NR3C1: variants seen among roughly 807,000 people sequenced by gnomAD.
NR3C1 encodes nuclear receptor subfamily 3 group C member 1.
Under a neutral mutation model 74.0 loss-of-function variants are expected in NR3C1, and 14 were observed. That is an observed-to-expected ratio of 0.19 (90% CI 0.12 to 0.30). The LOEUF (loss-of-function observed/expected upper bound fraction) is 0.30, where lower values mean the gene tolerates loss of function less well. Ranked by LOEUF, NR3C1 falls within the 10% of genes least tolerant of loss-of-function variation. NR3C1 has a pLI of 1.00. For missense variants in NR3C1, 695 were observed against 909.8 expected (o/e 0.76, Z 3.04); for synonymous variants, 308 against 332.5 (o/e 0.93, Z 0.80).
chr5:143,300,531 T>C lies in NR3C1; in HGVS notation c.1701A>G (p.Gly567=), dbSNP rs746241886. ...WRIMTTLNML[G]GRQVIAAVKW... is the part of the protein sequence containing the mutation. ...TCACTGCTGCAATCACTTGCCGCCCTCCTAACATGTTGAGCGTAGTCATGA... is the reference window on the plus strand; with the variant it reads ...TCACTGCTGCAATCACTTGCCGCCCCCCTAACATGTTGAGCGTAGTCATGA... Residue 567 remains glycine, a synonymous_variant, in exon 5 of 9, where the codon GGA becomes GGG. Transcript: ENST00000394464. This position sits in a 1 kb window ranked among gnomAD's most constrained non-coding sequence, Gnocchi z 5.2. 6.2e-7 allele frequency: 1 copy of C among 1,614,208 alleles called. No homozygotes were observed.
At chr5:143,362,360 GTT>G (rs1234339107) in intron 2 of NR3C1, among the ~76,000 whole-genome samples, 34 of 138,760 alleles carry the variant, frequency 2.5e-4, no homozygotes, top group African/African-American at 5.5e-4. Flanking sequence ...ATGAAGACTT[GTT>G]TTTTTTTTTT....
At chr5:143,367,931 A>C (rs1833544610) in intron 2 of NR3C1, among the ~76,000 whole-genome samples, 1 of 152,194 alleles carries the variant, frequency 6.6e-6, no homozygotes, top group African/African-American at 2.4e-5. Context: ...ACGAACACGG[A>C]ATATAGGCAA....
At chr5:143,414,674 C>A (rs757123764) in intron 1 of NR3C1, among the ~76,000 whole-genome samples, 1 of 152,018 alleles carries the variant, frequency 6.6e-6, no homozygotes, top group Non-Finnish European at 1.5e-5. Context: ...TATGAGATAT[C>A]TTTATCTGTC....
intron 1 of NR3C1, among the ~76,000 whole-genome samples, chr5:143,430,464 T>C (rs960449350): frequency 3.3e-5 from 5 of 152,266 alleles, no homozygotes; most frequent in Non-Finnish European, 7.3e-5. Context: ...TGTTGTTATA[T>C]AGACTGAATG....
chr5:143,325,259 G>C (rs1302503009), intron 2 of NR3C1, among the ~76,000 whole-genome samples: 1 of 152,172 alleles, frequency 6.6e-6, no homozygotes, highest in Non-Finnish European at 1.5e-5. Flanking sequence ...GGAGGCAAAA[G>C]GTACTTCTTA....
intron 2 of NR3C1, among the ~76,000 whole-genome samples, chr5:143,365,274 A>T (rs1028941309): frequency 2.6e-5 from 4 of 152,232 alleles, no homozygotes; most frequent in African/African-American, 9.6e-5. Context: ...AAAGATTGGC[A>T]GATCCAATTG....
At chr5:143,323,345 C>CA (rs1438624880) in intron 2 of NR3C1, among the ~76,000 whole-genome samples, 1 of 151,996 alleles carries the variant, frequency 6.6e-6, no homozygotes, top group Non-Finnish European at 1.5e-5. Flanking sequence ...ATGGTGGTGG[C>CA]AAGAGAAAAA....
chr5:143,355,157 T>G (rs1056720033), intron 2 of NR3C1, among the ~76,000 whole-genome samples: 2 of 152,094 alleles, frequency 1.3e-5, no homozygotes, highest in Admixed American at 1.3e-4. Context: ...ATTTGGGAAG[T>G]ACAATAAAAC....
intron 2 of NR3C1, among the ~76,000 whole-genome samples, chr5:143,337,465 T>C (rs373426355): frequency 2.0e-5 from 3 of 152,218 alleles, no homozygotes; most frequent in East Asian, 3.8e-4. Flanking sequence ...TCAATAGATA[T>C]GTATTCAAAA....
upstream of NR3C1, among the ~76,000 whole-genome samples, chr5:143,407,747 C>T (rs1483703706): frequency 6.6e-6 from 1 of 152,228 alleles, no homozygotes; most frequent in African/African-American, 2.4e-5. Flanking sequence ...CTCCCATTCT[C>T]TTCATGTTTT....
intron 1 of NR3C1, among the ~76,000 whole-genome samples, chr5:143,420,557 T>G (rs34519266): frequency 0.18 from 27,652 of 152,110 alleles, 2,715 homozygotes; most frequent in Middle Eastern, 0.35. Flanking sequence ...ACACTAGTTT[T>G]CAACTGGGTG....
chr5:143,344,173 A>G (rs991907494), intron 2 of NR3C1, among the ~76,000 whole-genome samples: 1 of 152,196 alleles, frequency 6.6e-6, no homozygotes, highest in Non-Finnish European at 1.5e-5. Flanking sequence ...TCTAAGCTTT[A>G]AAAAGACTAA....
In NR3C1 at chr5:143,377,175, A is replaced by T. The variant is rs553186875; in HGVS notation, c.1184+22481T>A. ...GTAACCTTTCCCTAATGAAGCATAA[A>T]TTCATTCACTTCTTTTTAACAATCC... On this transcript the variant is annotated intron_variant, in intron 2 of 8. Coordinates refer to ENST00000394464, the MANE Select transcript of NR3C1 (RefSeq NM_000176.3). Among the ~76,000 whole-genome samples, 3 of 152,274 alleles carry T rather than the reference A, an allele frequency of 2.0e-5. No homozygotes were observed. The South Asian group carries it at 6.2e-4, about 32-fold the overall frequency.
chr5:143,363,039 G>T (rs1832571483), intron 2 of NR3C1, among the ~76,000 whole-genome samples: 1 of 152,122 alleles, frequency 6.6e-6, no homozygotes, highest in African/African-American at 2.4e-5. Context: ...TGCAGAAGCT[G>T]GTAGTAAAGG....
chr5:143,417,691 G>C (rs929433537), intron 1 of NR3C1, among the ~76,000 whole-genome samples: 1 of 151,972 alleles, frequency 6.6e-6, no homozygotes, highest in Non-Finnish European at 1.5e-5. Context: ...GAAAGTACAC[G>C]CCCATACACA....
intron 1 of NR3C1, among the ~76,000 whole-genome samples, chr5:143,402,156 C>T (rs144587445): frequency 2.0e-5 from 3 of 152,234 alleles, no homozygotes; most frequent in South Asian, 2.1e-4. Flanking sequence ...ACCTCTCTGC[C>T]CCGTTTATCT....
chr5:143,330,631 G>A (rs940585263), intron 2 of NR3C1, among the ~76,000 whole-genome samples: 2 of 152,208 alleles, frequency 1.3e-5, no homozygotes, highest in Admixed American at 6.5e-5. Flanking sequence ...TCTGCATGCA[G>A]GAAACAGAAA....
chr5:143,290,822 A>G (rs191087684), intron 7 of NR3C1, among the ~76,000 whole-genome samples: 20 of 150,124 alleles, frequency 1.3e-4, no homozygotes, highest in Non-Finnish European at 2.2e-4. Context: ...ACAGCCTCCC[A>G]AAGTGCTGGG....
At chr5:143,352,671 ATACTG>A (rs1446802393) in intron 2 of NR3C1, among the ~76,000 whole-genome samples, 8 of 152,226 alleles carry the variant, frequency 5.3e-5, no homozygotes, top group Non-Finnish European at 1.0e-4. Flanking sequence ...TATTTATACT[ATACTG>A]TAGTCTATTA....
Sources: gnomAD v4.1 joint callset for allele counts (sites outside exome capture counted in the v4.1 genomes callset) on GRCh38, gnomAD v4.1.1 for gene constraint, Gnocchi (gnomAD v3.1) non-coding constraint, MANE v1.5 for transcripts, NCBI Gene and HGNC (gene_info 2026-07-23, HGNC 2026-07-21) for gene names.